ELMO1: variants seen among roughly 807,000 people sequenced by gnomAD.
ELMO1 encodes engulfment and cell motility 1.
ELMO1 carries 26 observed loss-of-function variants against 98.9 expected under a neutral mutation model. The observed-to-expected ratio is 0.26, with a 90% CI of 0.19 to 0.36. The LOEUF (loss-of-function observed/expected upper bound fraction) is 0.36, where lower values mean the gene tolerates loss of function less well. Among genes scored for constraint, ELMO1 ranks in the 10% least tolerant of loss-of-function variants. ELMO1 has a pLI of 1.00. For synonymous variants in ELMO1, 346 were observed against 346.0 expected, an observed-to-expected ratio of 1.00 and a Z score of 0.00; for missense variants, 627 against 935.2, an observed-to-expected ratio of 0.67 and a Z score of 4.30.
At chr7:37,185,151 G>C (rs1409524781) in intron 13 of ELMO1, among the ~76,000 whole-genome samples, 2 of 152,164 alleles carry the variant, frequency 1.3e-5, no homozygotes, top group African/African-American at 2.4e-5. Flanking sequence ...TAAATGCAAA[G>C]GATCGACAGA....
intron 13 of ELMO1, among the ~76,000 whole-genome samples, chr7:37,144,875 G>A (rs939740931): frequency 1.3e-5 from 2 of 152,116 alleles, no homozygotes; most frequent in East Asian, 1.9e-4. Flanking sequence ...GTTTTTCAGC[G>A]GAATGATTTC....
intron 13 of ELMO1, among the ~76,000 whole-genome samples, chr7:37,142,507 G>A (rs1787706547): frequency 6.6e-6 from 1 of 152,218 alleles, no homozygotes; most frequent in Non-Finnish European, 1.5e-5. Flanking sequence ...ACACCTGGCT[G>A]TGGCATCACA....
chr7:36,866,345 C>T (rs532523541), intron 20 of ELMO1, among the ~76,000 whole-genome samples: 3 of 152,244 alleles, frequency 2.0e-5, no homozygotes, highest in Non-Finnish European at 2.9e-5. Context: ...TTCTTGTCTC[C>T]GTAAAAATGT....
At chr7:37,028,930 A>G (rs1794731298) in intron 15 of ELMO1, among the ~76,000 whole-genome samples, 2 of 152,242 alleles carry the variant, frequency 1.3e-5, no homozygotes, top group African/African-American at 4.8e-5. Flanking sequence ...TGCTTAATAT[A>G]TAACAGCCAC....
intron 8 of ELMO1, 78 bp from the exon 9 acceptor site, chr7:37,225,108 A>C: frequency 4.5e-6 from 7 of 1,555,242 alleles, no homozygotes; most frequent in Non-Finnish European, 6.2e-6. Flanking sequence ...AAATGAATCA[A>C]ATCGGGAACT....
At chr7:37,090,192 A>G (rs112161290) in intron 15 of ELMO1, among the ~76,000 whole-genome samples, 8,563 of 152,266 alleles carry the variant, frequency 0.056, 575 homozygotes, top group African/African-American at 0.17. Context: ...TAGGATCTAC[A>G]CAACTCTGGA....
At chr7:37,262,379 C>A (rs1173470478) in intron 5 of ELMO1, among the ~76,000 whole-genome samples, 1 of 152,110 alleles carries the variant, frequency 6.6e-6, no homozygotes, top group African/African-American at 2.4e-5. Flanking sequence ...GGGATCTTAG[C>A]CAAGGAGTCA....
At chr7:37,281,932 C>A (rs1797161179) in intron 4 of ELMO1, among the ~76,000 whole-genome samples, 1 of 152,036 alleles carries the variant, frequency 6.6e-6, no homozygotes, top group Admixed American at 6.6e-5. Context: ...CATATTTACT[C>A]ATAGCCAGCA....
intron 4 of ELMO1, among the ~76,000 whole-genome samples, chr7:37,309,377 TGA>T (rs1562601640): frequency 6.6e-6 from 1 of 152,194 alleles, no homozygotes; most frequent in Non-Finnish European, 1.5e-5. Context: ...GTGGGAATTA[TGA>T]GAGCTACAAT....
At chr7:37,128,988 G>A (rs753960689) in intron 14 of ELMO1, among the ~76,000 whole-genome samples, 4 of 152,118 alleles carry the variant, frequency 2.6e-5, no homozygotes, top group Admixed American at 2.6e-4. Flanking sequence ...GGGTCAGGAA[G>A]TCTTCTTCAG....
intron 16 of ELMO1, among the ~76,000 whole-genome samples, chr7:36,979,373 T>G (rs1790853628): frequency 6.6e-6 from 1 of 152,218 alleles, no homozygotes; most frequent in Non-Finnish European, 1.5e-5. Context: ...TTTCTACAGA[T>G]GAGGAAGCTA....
At chr7:37,327,877 G>A (rs1799900697) in intron 2 of ELMO1, among the ~76,000 whole-genome samples, 1 of 152,128 alleles carries the variant, frequency 6.6e-6, no homozygotes, top group African/African-American at 2.4e-5. Flanking sequence ...AAACAATAAT[G>A]ACAATCTCAC....
At chr7:37,185,697 T>C (rs1348587720) in intron 13 of ELMO1, among the ~76,000 whole-genome samples, 1 of 152,238 alleles carries the variant, frequency 6.6e-6, no homozygotes, top group Non-Finnish European at 1.5e-5. Context: ...ATCATTTATA[T>C]AGGTCTACTT....
chr7:37,030,495 G>T (rs1035872866), intron 15 of ELMO1, among the ~76,000 whole-genome samples: 1 of 151,960 alleles, frequency 6.6e-6, no homozygotes, highest in African/African-American at 2.4e-5. Flanking sequence ...TTAATATAAC[G>T]TACAATAAGA....
At chr7:37,262,030 C>T (rs1305056856) in intron 5 of ELMO1, among the ~76,000 whole-genome samples, 6 of 152,068 alleles carry the variant, frequency 3.9e-5, no homozygotes, top group Non-Finnish European at 8.8e-5. Context: ...AGAACCTTTG[C>T]TAAGAAAACA....
chr7:37,309,203 A>G lies in ELMO1; in HGVS notation c.192+5647T>C, dbSNP rs187930484. 2.0e-4 allele frequency among the ~76,000 whole-genome samples: 30 copies of G among 152,342 alleles called. No homozygotes were observed. The East Asian group carries it at 2.5e-3, about 13-fold the overall frequency. On this transcript the variant is annotated intron_variant, in intron 4 of 21. Transcript: ENST00000310758. ...AATCATGGTGGAAGGCGAAAGGCAC[A>G]TCTTACATGGCAGCAGACAAGAGAG...
At chr7:36,874,791 A>C (rs1803811269) in intron 19 of ELMO1, among the ~76,000 whole-genome samples, 1 of 152,204 alleles carries the variant, frequency 6.6e-6, no homozygotes, top group Non-Finnish European at 1.5e-5. Flanking sequence ...ATTGGGGGCT[A>C]TGACAACCTG....
chr7:36,860,788 C>T (rs1802568391), intron 21 of ELMO1, among the ~76,000 whole-genome samples: 2 of 152,136 alleles, frequency 1.3e-5, no homozygotes, highest in Admixed American at 6.5e-5. Flanking sequence ...ATTTAAGCAC[C>T]GTTCTAAATG....
intron 4 of ELMO1, among the ~76,000 whole-genome samples, chr7:37,313,420 T>C (rs1239386394): frequency 1.3e-5 from 2 of 152,166 alleles, no homozygotes; most frequent in African/African-American, 4.8e-5. Context: ...AGACGGGGTT[T>C]CACCATGTTG....
Sources: allele counts gnomAD v4.1 joint callset (sites outside exome capture counted in the v4.1 genomes callset), GRCh38; gene constraint gnomAD v4.1.1; transcripts MANE v1.5; gene names NCBI Gene and HGNC (gene_info 2026-07-23, HGNC 2026-07-21).